The following EEPD1 variants were observed in gnomAD, a reference collection of about 807,000 sequenced individuals.
The protein encoded by EEPD1 is endonuclease/exonuclease/phosphatase family domain-containing protein 1.
A neutral mutation model predicts 46.3 loss-of-function variants in EEPD1; 17 were observed. That is an observed-to-expected ratio of 0.37 (90% CI 0.25 to 0.55). EEPD1 has a LOEUF of 0.55. Ranked by LOEUF, EEPD1 falls within the 20% of genes least tolerant of loss-of-function variation. The probability of loss-of-function intolerance (pLI) is 0.83; values close to 1 mark genes in which losing one functional copy is unlikely to be tolerated. For synonymous variants in EEPD1, 313 were observed against 315.6 expected (o/e 0.99, Z 0.09); for missense variants, 673 against 745.6 (o/e 0.90, Z 1.13).
intron 2 of EEPD1, among the ~76,000 whole-genome samples, chr7:36,171,368 A>G (rs1489525271): frequency 1.3e-5 from 2 of 152,254 alleles, no homozygotes; most frequent in African/African-American, 4.8e-5. Context: ...AAAACAAACC[A>G]AAAAACATAT....
intron 4 of EEPD1, among the ~76,000 whole-genome samples, chr7:36,284,241 G>C (rs1787306020): frequency 6.6e-6 from 1 of 152,228 alleles, no homozygotes. Flanking sequence ...CAGCTAATCA[G>C]TAAGCAAAAC....
intron 2 of EEPD1, among the ~76,000 whole-genome samples, chr7:36,218,585 T>C (rs1029370255): frequency 6.6e-6 from 1 of 151,470 alleles, no homozygotes; most frequent in African/African-American, 2.4e-5. Context: ...AAAGGGAGGG[T>C]TCACATCCCT....
At chr7:36,243,257 CAGAA>C (rs967918992) in intron 3 of EEPD1, among the ~76,000 whole-genome samples, 3 of 151,080 alleles carry the variant, frequency 2.0e-5, no homozygotes, top group Admixed American at 1.3e-4. Flanking sequence ...ATTAACTAGT[CAGAA>C]AGAATCTATG....
intron 3 of EEPD1, 51 bp downstream of exon 3, chr7:36,239,087 A>G: frequency 1.3e-6 from 2 of 1,578,472 alleles, no homozygotes; most frequent in South Asian, 2.3e-5. Context: ...ACGGAGGGCC[A>G]CACATAAGAA....
chr7:36,177,012 G>C (rs1230726047), intron 2 of EEPD1, among the ~76,000 whole-genome samples: 1 of 152,194 alleles, frequency 6.6e-6, no homozygotes, highest in Non-Finnish European at 1.5e-5. Context: ...TCTGTGGTTG[G>C]GGCCGGGGCT....
intron 3 of EEPD1, among the ~76,000 whole-genome samples, chr7:36,246,588 C>T (rs1036996101): frequency 1.1e-4 from 16 of 152,142 alleles, no homozygotes; most frequent in African/African-American, 3.6e-4. Flanking sequence ...AACTTGAGAT[C>T]GATCTGTTGC....
In EEPD1 at chr7:36,298,927, C is replaced by T. The variant is rs1787570341; in HGVS notation, c.1511-80C>T. 6 of 1,521,714 alleles carry T rather than the reference C, an allele frequency of 3.9e-6. No individual in the cohort carries two copies. The South Asian group carries it at 7.4e-5, about 19-fold the overall frequency. The allele number at this position is 1,521,714 out of a possible 1,614,324, so 94.3% of individuals were successfully genotyped here. A position where few individuals can be genotyped will look rare whatever the true frequency, so the allele number is the denominator to read the frequency against. The stretch of plus-strand genomic sequence containing the variant: ...CCCGGCCTGCAGACATGCGGTGTGA[C>T]CCTCCACCTGCCAATCCAGGACCTC... On this transcript the variant is annotated intron_variant, in intron 7 of 7. Transcript: ENST00000242108.
chr7:36,157,304 T>C (rs1784839198), intron 2 of EEPD1, among the ~76,000 whole-genome samples: 1 of 152,214 alleles, frequency 6.6e-6, no homozygotes. Flanking sequence ...CTTGTGATAT[T>C]CTTTCTGACC....
At chr7:36,158,767 C>T (rs1471426966) in intron 2 of EEPD1, among the ~76,000 whole-genome samples, 1 of 152,178 alleles carries the variant, frequency 6.6e-6, no homozygotes, top group African/African-American at 2.4e-5. Context: ...AGGTAGTCCA[C>T]ATCTGGAATG....
intron 6 of EEPD1, among the ~76,000 whole-genome samples, chr7:36,288,694 C>T (rs1238056768): frequency 2.7e-5 from 4 of 150,872 alleles, no homozygotes; most frequent in Non-Finnish European, 2.9e-5. Context: ...CCCAGGAAGT[C>T]GAGGCTGCAG....
At chr7:36,245,854 C>T (rs1786631856) in intron 3 of EEPD1, among the ~76,000 whole-genome samples, 1 of 152,210 alleles carries the variant, frequency 6.6e-6, no homozygotes, top group Non-Finnish European at 1.5e-5. Flanking sequence ...GGATACATGT[C>T]ATGCAGTTCT....
intron 2 of EEPD1, among the ~76,000 whole-genome samples, chr7:36,204,618 G>A (rs1785779748): frequency 6.6e-6 from 1 of 152,102 alleles, no homozygotes; most frequent in Admixed American, 6.5e-5. Context: ...TTGCCCCTGG[G>A]ACAGATGAGG....
intron 4 of EEPD1, among the ~76,000 whole-genome samples, chr7:36,282,449 C>G (rs1253691524): frequency 6.6e-6 from 1 of 152,188 alleles, no homozygotes; most frequent in African/African-American, 2.4e-5. Flanking sequence ...TGGAGCCTGA[C>G]CTGGCCCCTC....
At chr7:36,237,532 C>A (rs568723014) in intron 2 of EEPD1, among the ~76,000 whole-genome samples, 25 of 152,316 alleles carry the variant, frequency 1.6e-4, no homozygotes, top group African/African-American at 5.8e-4. Context: ...AAGCACCATT[C>A]TGTTACCGGA....
intron 6 of EEPD1, among the ~76,000 whole-genome samples, chr7:36,289,622 G>A (rs542704244): frequency 2.2e-4 from 34 of 152,326 alleles, no homozygotes; most frequent in African/African-American, 7.9e-4. Context: ...AGCCTCCCGA[G>A]TAGCTGGGAC....
intron 3 of EEPD1, among the ~76,000 whole-genome samples, chr7:36,264,912 GAA>G (rs72136431): frequency 0.71 from 104,024 of 146,990 alleles, 36,316 homozygotes; most frequent in Middle Eastern, 0.76. Flanking sequence ...TGCCCACACT[GAA>G]AAAAAAAAAA....
intron 3 of EEPD1, among the ~76,000 whole-genome samples, chr7:36,272,819 C>G (rs554327154): frequency 1.3e-5 from 2 of 152,358 alleles, no homozygotes; most frequent in East Asian, 1.9e-4. Context: ...AGCCACCCTT[C>G]AAGTGGCACA....
chr7:36,267,147 C>A (rs1318512527), intron 3 of EEPD1, among the ~76,000 whole-genome samples: 1 of 152,248 alleles, frequency 6.6e-6, no homozygotes, highest in Non-Finnish European at 1.5e-5. Flanking sequence ...AAGCTACTCA[C>A]CTCTGTTACT....
intron 3 of EEPD1, among the ~76,000 whole-genome samples, chr7:36,262,172 C>T (rs954806980): frequency 4.6e-5 from 7 of 152,290 alleles, no homozygotes; most frequent in African/African-American, 1.2e-4. Flanking sequence ...GAAATGCAGA[C>T]GCATTTTTAC....
Sources: allele counts gnomAD v4.1 joint callset (sites outside exome capture counted in the v4.1 genomes callset), GRCh38; gene constraint gnomAD v4.1.1; transcripts MANE v1.5; gene names NCBI Gene and HGNC (gene_info 2026-07-23, HGNC 2026-07-21).